The following CCDC62 variants were observed in gnomAD, a reference collection of about 807,000 sequenced individuals.
CCDC62 encodes the protein coiled-coil domain-containing protein 62.
CCDC62 carries 72 observed loss-of-function variants against 80.8 expected under a neutral mutation model. The observed-to-expected ratio is 0.89, with a 90% CI of 0.74 to 1.08. CCDC62 has a LOEUF of 1.08. Ranked by LOEUF, CCDC62 falls within the 50% of genes least tolerant of loss-of-function variation. The probability of loss-of-function intolerance (pLI) is 0.00; values close to 1 mark genes in which losing one functional copy is unlikely to be tolerated. For missense variants in CCDC62, 704 were observed against 809.4 expected, an observed-to-expected ratio of 0.87 and a Z score of 1.58; for synonymous variants, 286 against 296.5, an observed-to-expected ratio of 0.96 and a Z score of 0.36.
intron 6 of CCDC62, among the ~76,000 whole-genome samples, chr12:122,796,732 A>G (rs544590919): frequency 6.6e-6 from 1 of 152,198 alleles, no homozygotes; most frequent in East Asian, 1.9e-4. Context: ...CCCCATCTCT[A>G]TTTTTAAAAA....
intron 5 of CCDC62, 114 bp from the exon 6 acceptor site, chr12:122,791,906 A>G (rs2030632412): frequency 1.4e-6 from 1 of 720,586 alleles, no homozygotes; most frequent in Non-Finnish European, 2.4e-6. Flanking sequence ...TTTTGTCTAT[A>G]GATCCATCAG....
At chr12:122,784,096 G>A (rs538055899) in intron 3 of CCDC62, among the ~76,000 whole-genome samples, 5 of 152,034 alleles carry the variant, frequency 3.3e-5, no homozygotes, top group East Asian at 3.9e-4. Context: ...TCTTTTTACC[G>A]CCTCCATAGT....
chr12:122,787,253 G>A (rs1026896295), intron 4 of CCDC62, among the ~76,000 whole-genome samples: 3 of 152,052 alleles, frequency 2.0e-5, no homozygotes, highest in Non-Finnish European at 4.4e-5. Flanking sequence ...TTTGAGACTA[G>A]CCTAGCCAAC....
At chr12:122,804,768 A>G (rs2031492528) in intron 9 of CCDC62, among the ~76,000 whole-genome samples, 1 of 150,904 alleles carries the variant, frequency 6.6e-6, no homozygotes, top group African/African-American at 2.4e-5. Flanking sequence ...CCCAGGCTGG[A>G]GTGCAGTGGT....
intron 2 of CCDC62, among the ~76,000 whole-genome samples, chr12:122,780,828 A>G (rs760208631): frequency 1.3e-5 from 2 of 152,100 alleles, no homozygotes; most frequent in Non-Finnish European, 2.9e-5. Flanking sequence ...TTCCATTTTT[A>G]TATGGTTCAA....
Position 122,787,707 on chromosome 12 carries a change from C to T in CCDC62, c.499-1051C>T, listed in dbSNP as rs777124279. On this transcript the variant is annotated intron_variant, in intron 4 of 12. Coordinates refer to ENST00000253079, the MANE Select transcript of CCDC62 (RefSeq NM_201435.5). ...CAGAGGTTGTGGTAAGCCGAGATCA[C>T]GCCACTGCACTCCAGCCTGGTGACA... 3.8e-4 allele frequency among the ~76,000 whole-genome samples: 57 copies of T among 151,450 alleles called. 1 individual carries two copies. The highest frequency in any genetic ancestry group is 2.1e-4 in the South Asian group (1 of 4,812).
chr12:122,808,427 G>A (rs2031717797), intron 10 of CCDC62, among the ~76,000 whole-genome samples: 1 of 152,138 alleles, frequency 6.6e-6, no homozygotes, highest in African/African-American at 2.4e-5. Context: ...AAAGCTGCTT[G>A]CATATTCATG....
chr12:122,798,555 A>G (rs2031104318), intron 8 of CCDC62, among the ~76,000 whole-genome samples: 1 of 152,158 alleles, frequency 6.6e-6, no homozygotes, highest in Non-Finnish European at 1.5e-5. Flanking sequence ...GTGAGCCGAG[A>G]TCACGCCACT....
chr12:122,791,287 C>G (rs2030585381), intron 5 of CCDC62, among the ~76,000 whole-genome samples: 1 of 151,632 alleles, frequency 6.6e-6, no homozygotes, highest in Non-Finnish European at 1.5e-5. Flanking sequence ...TACAGTCGCC[C>G]ACCACCACAC....
intron 5 of CCDC62, among the ~76,000 whole-genome samples, chr12:122,789,929 G>A (rs1357280567): frequency 6.6e-6 from 1 of 150,940 alleles, no homozygotes; most frequent in East Asian, 1.9e-4. Context: ...ATGGCACAAG[G>A]GCTACACTCT....
chr12:122,778,381 T>C (rs1879615893), intron 2 of CCDC62, among the ~76,000 whole-genome samples: 1 of 151,478 alleles, frequency 6.6e-6, no homozygotes, highest in African/African-American at 2.4e-5. Flanking sequence ...ATTATAGCTG[T>C]CTCAAAAATG....
Position 122,812,193 on chromosome 12 carries a change from AGCACT to A in CCDC62, c.1852-1075_1852-1071del, listed in dbSNP as rs2031921047. 2.0e-5 allele frequency among the ~76,000 whole-genome samples: 3 copies of A among 152,274 alleles called. No individual in the cohort carries two copies. In the East Asian group the frequency reaches 5.8e-4, roughly 29 times the overall value. On this transcript the variant is annotated intron_variant, in intron 10 of 12. Transcript: ENST00000253079. ...TGCAGTGGCTCACGCCTGTAATCCTAGCACTGTGGGAGTTCGAGGCGGATGGATCA... is the reference window on the plus strand; with the variant it reads ...TGCAGTGGCTCACGCCTGTAATCCTAGTGGGAGTTCGAGGCGGATGGATCA...
chr12:122,813,292 A>C lies in CCDC62; in HGVS notation c.1874A>C (p.Gln625Pro). 1 of 1,613,084 alleles carries C rather than the reference A, an allele frequency of 6.2e-7. No homozygotes were observed. Among genetic ancestry groups the C allele is most frequent in the Non-Finnish European group, 8.5e-7 (1 of 1,179,460 alleles). ...TAGGCTTCAATTGTGTTACCCTCCCAGGATGATTTCTCGCCCACGAGCAAG... is the reference window on the plus strand; with the variant it reads ...TAGGCTTCAATTGTGTTACCCTCCCCGGATGATTTCTCGCCCACGAGCAAG... The part of the protein sequence containing the change: ...NEKASIVLPS[Q>P]DDFSPTSKLQ... Residue 625 changes from glutamine (Q) to proline (P), a missense_variant, in exon 11 of 13, where the codon CAG (glutamine) becomes CCG (proline). Physicochemically the swap from Gln to Pro is moderately conservative, Grantham distance 76. Coordinates refer to ENST00000253079, the MANE Select transcript of CCDC62 (RefSeq NM_201435.5).
At position 122,786,417 on chromosome 12, in the gene CCDC62, G is replaced by A. The variant is rs372448006; in HGVS notation, c.498+597G>A. Among the ~76,000 whole-genome samples, 1,226 of 151,720 alleles carry A rather than the reference G, an allele frequency of 8.1e-3. 17 individuals are homozygous for A. Among genetic ancestry groups the A allele is most frequent in the African/African-American group, 0.028 (1,141 of 41,356 alleles). On this transcript the variant is annotated intron_variant, in intron 4 of 12. Transcript: ENST00000253079. ...CCCGCCTCGGCCTCCCAAAGTGCTG[G>A]GATTACAGGCGTGAGCCACCGCGCT...
rs1412762139 is a variant in CCDC62, at chr12:122,801,182, G to GA, written c.1043dup (p.Asn348LysfsTer7). 5.6e-6 allele frequency: 9 copies of GA among 1,613,750 alleles called. No homozygotes were observed. The highest frequency in any genetic ancestry group is 6.8e-6 in the Non-Finnish European group (8 of 1,179,966). ...CCACCCAAAAGTCGATATTAAGAGG[G>GA]AAAAAAATCAGAAGTCACTGTTTAA... On this transcript the variant is annotated frameshift_variant, in exon 9 of 13. Transcript: ENST00000253079. LOFTEE classifies it high-confidence loss of function.
intron 2 of CCDC62, among the ~76,000 whole-genome samples, chr12:122,780,932 C>T (rs551220563): frequency 9.9e-5 from 15 of 152,228 alleles, no homozygotes; most frequent in African/African-American, 1.9e-4. Flanking sequence ...TGGTTGGGAA[C>T]GCGGAAACTG....
At chr12:122,778,667 G>C (rs1220303942) in intron 2 of CCDC62, among the ~76,000 whole-genome samples, 1 of 152,080 alleles carries the variant, frequency 6.6e-6, no homozygotes, top group Non-Finnish European at 1.5e-5. Context: ...ATCACTTGAG[G>C]TCAGGAGTTC....
At chr12:122,787,369 G>A (rs561710061) in intron 4 of CCDC62, among the ~76,000 whole-genome samples, 32 of 150,554 alleles carry the variant, frequency 2.1e-4, no homozygotes, top group Non-Finnish European at 3.3e-4. Flanking sequence ...GAGGATCCCC[G>A]GAAGCCGGGA....
chr12:122,776,674 A>T (rs1385489090), intron 1 of CCDC62: 1 of 152,248 alleles, frequency 6.6e-6, no homozygotes, highest in Non-Finnish European at 1.5e-5. Flanking sequence ...GTATGTATAG[A>T]TGCCTTAGAT....
Sources: allele counts gnomAD v4.1 joint callset (sites outside exome capture counted in the v4.1 genomes callset), GRCh38; gene constraint gnomAD v4.1.1; transcripts MANE v1.5; gene names NCBI Gene and HGNC (gene_info 2026-07-23, HGNC 2026-07-21).